Variants in RPH3A observed in about 807,000 individuals in gnomAD.
The protein encoded by RPH3A is rabphilin-3A.
RPH3A carries 48 observed loss-of-function variants against 102.2 expected under a neutral mutation model. The observed-to-expected ratio is 0.47, with a 90% CI of 0.37 to 0.60. The LOEUF is 0.60. Among genes scored for constraint, RPH3A ranks in the 20% least tolerant of loss-of-function variants. The pLI, the probability that RPH3A is intolerant of heterozygous loss-of-function variation, is 0.00. For missense variants in RPH3A, 781 were observed against 910.1 expected, an observed-to-expected ratio of 0.86 and a Z score of 1.83; for synonymous variants, 310 against 324.3, an observed-to-expected ratio of 0.96 and a Z score of 0.47.
chr12:112,840,201 A>C (rs943009437), intron 4 of RPH3A, among the ~76,000 whole-genome samples: 16 of 152,146 alleles, frequency 1.1e-4, no homozygotes, highest in Non-Finnish European at 2.4e-4. Context: ...TTTTTTTGAC[A>C]TAAAATAGTT....
At chr12:112,864,686 A>G (rs576957554) in intron 5 of RPH3A, among the ~76,000 whole-genome samples, 1 of 152,338 alleles carries the variant, frequency 6.6e-6, no homozygotes, top group South Asian at 2.1e-4. Context: ...TATAAAATAC[A>G]GATTGCTGGA....
chr12:112,837,857 CCCCTCCTTCCCT>C (rs759057271), intron 4 of RPH3A: 152 of 452,238 alleles, frequency 3.4e-4, no homozygotes, highest in Middle Eastern at 3.3e-4. Flanking sequence ...CCAGGCTCCT[CCCCTCCTTCCCT>C]CCCTCCTTCC....
chr12:112,677,929 G>T (rs752534015), intron 1 of RPH3A, among the ~76,000 whole-genome samples: 1 of 152,086 alleles, frequency 6.6e-6, no homozygotes, highest in Non-Finnish European at 1.5e-5. Context: ...GGTGGTGCAT[G>T]CCTGTAATCC....
intron 1 of RPH3A, among the ~76,000 whole-genome samples, chr12:112,672,867 C>T (rs557448837): frequency 2.5e-4 from 38 of 152,280 alleles, no homozygotes; most frequent in East Asian, 1.4e-3. Flanking sequence ...TACTTTGGCT[C>T]CCAGAGTCCC....
At chr12:112,687,507 A>G (rs1320552915) in intron 1 of RPH3A, among the ~76,000 whole-genome samples, 1 of 152,030 alleles carries the variant, frequency 6.6e-6, no homozygotes, top group African/African-American at 2.4e-5. Context: ...GGGACATGAG[A>G]CTCTGATTTA....
At chr12:112,583,769 G>A (rs928569594) in intron 1 of RPH3A, among the ~76,000 whole-genome samples, 10 of 152,138 alleles carry the variant, frequency 6.6e-5, no homozygotes, top group African/African-American at 2.4e-4. Flanking sequence ...TGGATCACTT[G>A]AGGTCAGGAG....
At position 112,586,203 on chromosome 12, in the gene RPH3A, A is replaced by G. The variant is rs181118876; in HGVS notation, c.-140+10884A>G. Among the ~76,000 whole-genome samples the G allele has an allele frequency of 1.1e-4, 17 of 152,322 alleles. No individual in the cohort carries two copies. The East Asian group carries it at 3.1e-3, about 28-fold the overall frequency. On this transcript the variant is annotated intron_variant, in intron 1 of 21. Transcript: ENST00000543106. ...CCTCCACGCTTGTATTAATAAAGCC[A>G]CTATTTATTTATTAGCTGCTGGAGG...
intron 1 of RPH3A, among the ~76,000 whole-genome samples, chr12:112,753,856 C>T (rs535309112): frequency 1.4e-4 from 21 of 152,138 alleles, no homozygotes; most frequent in Admixed American, 3.9e-4. Context: ...TTTGAAGATG[C>T]GATAAAGTTA....
intron 1 of RPH3A, among the ~76,000 whole-genome samples, chr12:112,648,593 A>AAAAAAAAAAAAAAAAAAAAC: frequency 7.3e-6 from 1 of 136,910 alleles, no homozygotes; most frequent in Non-Finnish European, 1.6e-5. Context: ...AAAAAAAAAA[A>AAAAAAAAAAAAAAAAAAAAC]AAAAAGCTAG....
intron 1 of RPH3A, among the ~76,000 whole-genome samples, chr12:112,605,348 C>A (rs892462308): frequency 2.0e-4 from 30 of 152,142 alleles, no homozygotes; most frequent in Admixed American, 2.0e-4. Context: ...GCATTCCATC[C>A]TGGTTGGCAG....
At chr12:112,835,622 A>T (rs1395981965) in intron 3 of RPH3A, among the ~76,000 whole-genome samples, 1 of 152,182 alleles carries the variant, frequency 6.6e-6, no homozygotes, top group Non-Finnish European at 1.5e-5. Flanking sequence ...CAGTCATCAC[A>T]CATGCTATCT....
intron 2 of RPH3A, among the ~76,000 whole-genome samples, chr12:112,816,009 C>T (rs929548155): frequency 6.6e-6 from 1 of 152,196 alleles, no homozygotes; most frequent in Non-Finnish European, 1.5e-5. Context: ...ACACAGGGCT[C>T]ACAGAGACTC....
chr12:112,895,917 C>T lies in RPH3A; in HGVS notation c.1954+44C>T, dbSNP rs758850113. 8 of 1,341,238 alleles carry T rather than the reference C, an allele frequency of 6.0e-6. 1 individual carries two copies. In the South Asian group the frequency reaches 9.4e-5, roughly 16 times the overall value. The allele number at this position is 1,341,238 out of a possible 1,614,324, so 83.1% of individuals were successfully genotyped here. A position where few individuals can be genotyped will look rare whatever the true frequency, so the allele number is the denominator to read the frequency against. On this transcript the variant is annotated intron_variant, in intron 21 of 21. Transcript: ENST00000389385. ...AGAGAAAACGCCCTCTTCTGTCCTC[C>T]CCAGAACAGGAGAGCCTTATCCAGG...
At chr12:112,701,342 C>G (rs1452969158) in intron 1 of RPH3A, among the ~76,000 whole-genome samples, 5 of 152,162 alleles carry the variant, frequency 3.3e-5, no homozygotes, top group Non-Finnish European at 7.3e-5. Context: ...AAGTTCAAGC[C>G]TGGTGGCTAA....
chr12:112,725,343 T>C (rs1187661427), intron 1 of RPH3A, among the ~76,000 whole-genome samples: 1 of 151,204 alleles, frequency 6.6e-6, no homozygotes, highest in Admixed American at 6.6e-5. Flanking sequence ...GACCTCATTG[T>C]ACCACTTCCC....
At chr12:112,725,888 C>T (rs1433571729) in intron 1 of RPH3A, among the ~76,000 whole-genome samples, 6 of 151,752 alleles carry the variant, frequency 4.0e-5, no homozygotes, top group African/African-American at 1.2e-4. Flanking sequence ...CTCTGCCTCC[C>T]GGGTTCACGC....
At chr12:112,795,011 C>A (rs7962899) in intron 2 of RPH3A, among the ~76,000 whole-genome samples, 2,230 of 152,306 alleles carry the variant, frequency 0.015, 60 homozygotes, top group African/African-American at 0.05. Flanking sequence ...ACAGGGGTAG[C>A]CTGGAAAGTC....
chr12:112,721,480 T>C (rs1476430988), intron 1 of RPH3A, among the ~76,000 whole-genome samples: 1 of 152,202 alleles, frequency 6.6e-6, no homozygotes, highest in Non-Finnish European at 1.5e-5. Context: ...AGATTGTGAA[T>C]ATATCAGACT....
At chr12:112,853,857 C>T (rs956429488) in intron 5 of RPH3A, among the ~76,000 whole-genome samples, 1 of 151,978 alleles carries the variant, frequency 6.6e-6, no homozygotes, top group African/African-American at 2.4e-5. Flanking sequence ...TAGAAGTTTT[C>T]TGGATTCCTT....
Sources: allele counts gnomAD v4.1 joint callset (sites outside exome capture counted in the v4.1 genomes callset), GRCh38; gene constraint gnomAD v4.1.1; transcripts MANE v1.5; gene names NCBI Gene and HGNC (gene_info 2026-07-23, HGNC 2026-07-21).